MCM10: variants seen among roughly 807,000 people sequenced by gnomAD.
MCM10 encodes minichromosome maintenance 10 replication initiation factor.
In MCM10, 91 loss-of-function variants were observed where a neutral mutation model predicts 109.9. The observed-to-expected ratio is 0.83, with a 90% CI of 0.70 to 0.99. The LOEUF (loss-of-function observed/expected upper bound fraction) is 0.99, where lower values mean the gene tolerates loss of function less well. MCM10 is among the 50% of genes least tolerant of loss of function. The pLI is 0.00. For synonymous variants in MCM10, 380 were observed against 387.2 expected (o/e 0.98, Z 0.22); for missense variants, 1,077 against 1,061.2 (o/e 1.01, Z -0.21).
At chr10:13,173,035 C>A (rs1226701447) in intron 5 of MCM10, among the ~76,000 whole-genome samples, 2 of 151,936 alleles carry the variant, frequency 1.3e-5, no homozygotes, top group Non-Finnish European at 2.9e-5. Context: ...ATAGCAAGAC[C>A]CTATCTCTAC....
At chr10:13,163,058 G>T (rs7097892) in intron 1 of MCM10, among the ~76,000 whole-genome samples, 25 of 150,316 alleles carry the variant, frequency 1.7e-4, no homozygotes, top group African/African-American at 6.2e-4. Flanking sequence ...CAGCCTGGGT[G>T]ACAGAGACTC....
At position 13,197,604 on chromosome 10, in the gene MCM10, C is replaced by T. The variant is rs1374873956; in HGVS notation, c.1975-19C>T. On this transcript the variant is annotated intron_variant, in intron 14 of 19. Transcript: ENST00000378714. ...TCATCTTTTAGATCTTTACCTCCCT[C>T]TCATTCCCTTTTTTCTAGTTAGCTG... The T allele has an allele frequency of 6.2e-7, 1 of 1,608,196 alleles. No individual in the cohort carries two copies. The highest frequency in any genetic ancestry group is 8.5e-7 in the Non-Finnish European group (1 of 1,178,500).
chr10:13,198,735 T>A lies in MCM10; in HGVS notation c.2166T>A (p.Leu722=). 1 of 1,614,054 alleles carries A rather than the reference T, an allele frequency of 6.2e-7. No individual in the cohort carries two copies. Among genetic ancestry groups the A allele is most frequent in the Non-Finnish European group, 8.5e-7 (1 of 1,179,998 alleles). ...EPARKKRREQ[L]AYLESEEFQK... ...CCAGGAAAAAAAGGAGAGAACAACTTGCCTATCTGGAATCTGAGGAATTTC... is the reference window on the plus strand; with the variant it reads ...CCAGGAAAAAAAGGAGAGAACAACTAGCCTATCTGGAATCTGAGGAATTTC... The change falls in exon 16 of 20, where the codon CTT becomes CTA. Residue 722 remains leucine, a synonymous_variant. Transcript: ENST00000378714.
chr10:13,189,568 C>CT (rs1834320598), intron 10 of MCM10, among the ~76,000 whole-genome samples: 1 of 152,238 alleles, frequency 6.6e-6, no homozygotes, highest in African/African-American at 2.4e-5. Flanking sequence ...GGTGATCTGC[C>CT]TGCCTCGGCC....
At chr10:13,170,771 T>C (rs775654829) in intron 2 of MCM10, 151 bp from the exon 3 acceptor site, 177 of 619,030 alleles carry the variant, frequency 2.9e-4, no homozygotes, top group Middle Eastern at 2.8e-3. Context: ...ATGCTGAGGT[T>C]TGGAGTATGG....
Position 13,189,063 on chromosome 10 carries a change from C to T in MCM10, c.1398C>T (p.Ala466=), listed in dbSNP as rs953064100. 3.7e-6 allele frequency: 6 copies of T among 1,614,076 alleles called. No homozygotes were observed. Among genetic ancestry groups the T allele is most frequent in the Non-Finnish European group, 5.1e-6 (6 of 1,180,044 alleles). The change falls in exon 10 of 20, where the codon GCC becomes GCT. Residue 466 remains alanine (A), a synonymous_variant. Transcript: ENST00000378714. ...TTTACTACGGAGGGGTTTCTTCTGC[C>T]TCGTATGCAGCTTCAATGTAAGACG... ...DGFYYGGVSS[A]SYAASIAAAV...
chr10:13,201,089 A>G (rs1451306373), intron 16 of MCM10, among the ~76,000 whole-genome samples: 1 of 152,178 alleles, frequency 6.6e-6, no homozygotes, highest in Non-Finnish European at 1.5e-5. Flanking sequence ...AGGTTGCAGT[A>G]AGGTAGAGAT....
rs564189384 is a variant in MCM10 at position 13,190,685 on chromosome 10, C to CAA, written c.1416-605_1416-604dup. Among the ~76,000 whole-genome samples, 532 of 146,432 alleles carry CAA rather than the reference C, an allele frequency of 3.6e-3. 1 individual carries two copies. The highest frequency in any genetic ancestry group is 0.013 in the African/African-American group (503 of 40,012). ...TGGACAACAGAGTGAGATCTTGTCT[C>CAA]AAAAAAAAAACCCCAAACTGTTAGT... On this transcript the variant is annotated intron_variant, in intron 10 of 19. Transcript: ENST00000378714.
At chr10:13,203,120 C>T (rs1564393986) in intron 17 of MCM10, among the ~76,000 whole-genome samples, 2 of 152,158 alleles carry the variant, frequency 1.3e-5, no homozygotes, top group Admixed American at 6.5e-5. Flanking sequence ...GCTGGGATTA[C>T]AGGCATGAGC....
chr10:13,178,455 C>T (rs1450459802), intron 6 of MCM10, among the ~76,000 whole-genome samples: 4 of 152,158 alleles, frequency 2.6e-5, no homozygotes, highest in Non-Finnish European at 4.4e-5. Context: ...CATTCTCCTG[C>T]ATATGGATAT....
At chr10:13,179,550 A>G (rs1834183111) in intron 6 of MCM10, among the ~76,000 whole-genome samples, 1 of 152,256 alleles carries the variant, frequency 6.6e-6, no homozygotes, top group African/African-American at 2.4e-5. Flanking sequence ...GACTCATGAA[A>G]TAGTGAAGAA....
chr10:13,163,104 C>G (rs1225983706), intron 1 of MCM10, among the ~76,000 whole-genome samples: 2 of 150,554 alleles, frequency 1.3e-5, no homozygotes, highest in Non-Finnish European at 1.5e-5. Flanking sequence ...TTTGGGAGTC[C>G]AAGGCTGATG....
Position 13,192,518 on chromosome 10 carries a change from G to A in MCM10, c.1695G>A (p.Lys565=). ...CCTCAGCACTCTTGAAGCAACAGAA[G>A]CAGCGGATGTTGGAGATGAGGAGAA... ...ISASALLKQQ[K]QRMLEMRRRK... is the part of the protein sequence containing the mutation. Residue 565 remains lysine (K), a synonymous_variant, in exon 13 of 20, where the codon AAG becomes AAA. Transcript: ENST00000378714. The A allele has an allele frequency of 6.2e-7, 1 of 1,614,182 alleles. No homozygotes were observed. The highest frequency in any genetic ancestry group is 8.5e-7 in the Non-Finnish European group (1 of 1,180,038).
At chr10:13,183,166 A>G (rs1251070032) in intron 8 of MCM10, 66 bp downstream of exon 8, 2 of 1,555,204 alleles carry the variant, frequency 1.3e-6, no homozygotes, top group South Asian at 1.1e-5. Context: ...TTTATCAAAG[A>G]TGTTTGATGC....
chr10:13,189,228 C>T (rs185833984), intron 10 of MCM10, 148 bp downstream of exon 10: 422 of 788,438 alleles, frequency 5.4e-4, no homozygotes, highest in Non-Finnish European at 7.5e-4. Context: ...GGTTAAAGAC[C>T]GCTTTTATTC....
intron 6 of MCM10, 125 bp downstream of exon 6, chr10:13,175,806 A>G: frequency 1.5e-6 from 1 of 656,952 alleles, no homozygotes; most frequent in South Asian, 2.2e-5. Flanking sequence ...TGAACTGGAC[A>G]AAACACCACT....
intron 14 of MCM10, 92 bp downstream of exon 14, chr10:13,195,361 C>G: frequency 1.1e-6 from 1 of 922,948 alleles, no homozygotes; most frequent in Non-Finnish European, 1.6e-6. Context: ...CTTTATTGAT[C>G]GTGATCATTA....
At chr10:13,174,807 T>G (rs1046442399) in intron 5 of MCM10, among the ~76,000 whole-genome samples, 2 of 152,134 alleles carry the variant, frequency 1.3e-5, no homozygotes, top group African/African-American at 4.8e-5. Flanking sequence ...TTCCCAAGAT[T>G]TGATTATTGC....
intron 13 of MCM10, 145 bp from the exon 14 acceptor site, chr10:13,194,896 A>G: frequency 1.6e-6 from 1 of 641,848 alleles, no homozygotes; most frequent in Non-Finnish European, 2.7e-6. Flanking sequence ...GCAAATTTGA[A>G]TTACCAGCCT....
Sources: gnomAD v4.1 joint callset for allele counts (sites outside exome capture counted in the v4.1 genomes callset) on GRCh38, gnomAD v4.1.1 for gene constraint, MANE v1.5 for transcripts, NCBI Gene and HGNC (gene_info 2026-07-23, HGNC 2026-07-21) for gene names.